The following EDAR variants were observed in gnomAD, a reference collection of about 807,000 sequenced individuals.
EDAR encodes ectodysplasin A receptor.
In EDAR, 38 loss-of-function variants were observed where a neutral mutation model predicts 51.3. The observed-to-expected ratio is 0.74, with a 90% CI of 0.57 to 0.97. The LOEUF (loss-of-function observed/expected upper bound fraction) is 0.97. Among genes scored for constraint, EDAR ranks in the 50% least tolerant of loss-of-function variants. The pLI, the probability that EDAR is intolerant of heterozygous loss-of-function variation, is 0.00. For synonymous variants in EDAR, 227 were observed against 242.1 expected, an observed-to-expected ratio of 0.94 and a Z score of 0.58; for missense variants, 528 against 595.0, an observed-to-expected ratio of 0.89 and a Z score of 1.17.
chr2:108,922,476 CCCT>C, intron 5 of EDAR, among the ~76,000 whole-genome samples: 1 of 152,352 alleles, frequency 6.6e-6, no homozygotes. Flanking sequence ...CAGCACAGAA[CCCT>C]CCTCCTGGCT....
At chr2:108,980,979 C>T (rs368626648) in intron 1 of EDAR, among the ~76,000 whole-genome samples, 3,867 of 62,084 alleles carry the variant, frequency 0.062, 96 homozygotes, top group African/African-American at 0.11. Flanking sequence ...CGGACTAGAC[C>T]GTGGGAATGA....
chr2:108,985,113 A>C (rs1340075028), intron 1 of EDAR, among the ~76,000 whole-genome samples: 1 of 151,718 alleles, frequency 6.6e-6, no homozygotes, highest in Non-Finnish European at 1.5e-5. Flanking sequence ...GGCAGAATCA[A>C]CTCTTTTTTA....
rs554926898 is a variant in EDAR at position 108,973,842 on chromosome 2, T to C, written c.-19+15118A>G. On this transcript the variant is annotated intron_variant, in intron 1 of 11. Transcript: ENST00000258443. ...AATGCCCCACAGACTTTTGGTTTTA[T>C]GTAAATAACAACATTTCTTGGGATT... Among the ~76,000 whole-genome samples, 42 of 152,328 alleles carry C rather than the reference T, an allele frequency of 2.8e-4. No homozygotes were observed. The South Asian group carries it at 8.5e-3, about 31-fold the overall frequency.
intron 1 of EDAR, among the ~76,000 whole-genome samples, chr2:108,944,465 G>A (rs933392297): frequency 6.6e-6 from 1 of 152,124 alleles, no homozygotes; most frequent in African/African-American, 2.4e-5. Context: ...CTATGGCTGC[G>A]GCAACAATGG....
intron 1 of EDAR, among the ~76,000 whole-genome samples, chr2:108,966,358 A>T (rs1305244531): frequency 6.6e-6 from 1 of 152,244 alleles, no homozygotes; most frequent in Non-Finnish European, 1.5e-5. Context: ...TGAGACTGGC[A>T]TTAAGTCCCT....
chr2:108,957,471 C>T (rs1332598346), intron 1 of EDAR, among the ~76,000 whole-genome samples: 1 of 152,284 alleles, frequency 6.6e-6, no homozygotes, highest in East Asian at 1.9e-4. Context: ...ATCAAGTGGC[C>T]CCGGGCTCAT....
rs548040744 is a variant in EDAR, at chr2:108,895,302, T to G, written c.*1605A>C. On this transcript the variant is annotated 3_prime_UTR_variant, in exon 12 of 12. Coordinates refer to ENST00000258443, the MANE Select transcript of EDAR (RefSeq NM_022336.4). Reference sequence around the variant, plus strand: ...ATTTTTTCAGTCATGCAACTTGTAATTTTTACAACCTCGCTTTATAAGTCA... The same window carrying G: ...ATTTTTTCAGTCATGCAACTTGTAAGTTTTACAACCTCGCTTTATAAGTCA... The G allele has an allele frequency of 6.5e-6, 1 of 152,718 alleles. No homozygotes were observed. The highest frequency in any genetic ancestry group is 2.1e-4 in the South Asian group (1 of 4,824). The allele number at this position is 152,718 out of a possible 1,614,324, so 9.5% of individuals were successfully genotyped here.
At chr2:108,941,304 T>C (rs1697589467) in intron 1 of EDAR, among the ~76,000 whole-genome samples, 1 of 152,234 alleles carries the variant, frequency 6.6e-6, no homozygotes, top group Non-Finnish European at 1.5e-5. Flanking sequence ...TGGGCAGTCC[T>C]GACCTTGCTT....
At chr2:108,915,167 G>A (rs960566469) in intron 5 of EDAR, among the ~76,000 whole-genome samples, 40 of 152,222 alleles carry the variant, frequency 2.6e-4, no homozygotes, top group Admixed American at 1.7e-3. Context: ...GCCTCCCAAA[G>A]TGCTGGGATT....
intron 11 of EDAR, among the ~76,000 whole-genome samples, chr2:108,899,918 G>A (rs546951967): frequency 1.6e-4 from 25 of 151,826 alleles, no homozygotes; most frequent in Non-Finnish European, 2.7e-4. Context: ...CCTGGGAGGC[G>A]GAGGTTGCAG....
chr2:108,912,884 G>A, intron 5 of EDAR, 120 bp from the exon 6 acceptor site: 1 of 787,296 alleles, frequency 1.3e-6, no homozygotes, highest in Non-Finnish European at 2.2e-6. Context: ...TGATGGCTGA[G>A]GGGAGCTAAA....
chr2:108,909,632 A>T (rs1027391644), intron 9 of EDAR, among the ~76,000 whole-genome samples: 2 of 152,202 alleles, frequency 1.3e-5, no homozygotes, highest in East Asian at 3.9e-4. Context: ...GGGTCCGAGC[A>T]CATTGCCTGG....
At chr2:108,978,079 T>C (rs1194788269) in intron 1 of EDAR, among the ~76,000 whole-genome samples, 1 of 152,096 alleles carries the variant, frequency 6.6e-6, no homozygotes, top group African/African-American at 2.4e-5. Context: ...GGCACTGACA[T>C]AGGGAAGAGC....
chr2:108,905,556 G>A (rs950336769), intron 11 of EDAR, among the ~76,000 whole-genome samples: 1 of 152,068 alleles, frequency 6.6e-6, no homozygotes, highest in African/African-American at 2.4e-5. Flanking sequence ...GGGGTAATGG[G>A]GGCATTGGTG....
chr2:108,899,352 G>C (rs1165797720), intron 11 of EDAR, among the ~76,000 whole-genome samples: 1 of 152,170 alleles, frequency 6.6e-6, no homozygotes, highest in Non-Finnish European at 1.5e-5. Flanking sequence ...CTTCAGGAAA[G>C]CATGAGAATA....
chr2:108,966,458 T>A (rs979887505), intron 1 of EDAR, among the ~76,000 whole-genome samples: 1 of 152,224 alleles, frequency 6.6e-6, no homozygotes, highest in Non-Finnish European at 1.5e-5. Context: ...GGAAGGCCTA[T>A]GCCTCATCTC....
At chr2:108,958,493 G>A (rs775463745) in intron 1 of EDAR, among the ~76,000 whole-genome samples, 3 of 152,054 alleles carry the variant, frequency 2.0e-5, no homozygotes, top group African/African-American at 4.8e-5. Context: ...ACAAGGGTGC[G>A]TTTGTTCAGG....
At chr2:108,897,254 A>G (rs1429110179) in intron 11 of EDAR, 25 bp from the exon 12 acceptor site, 2 of 1,597,580 alleles carry the variant, frequency 1.3e-6, no homozygotes, top group African/African-American at 2.7e-5. Flanking sequence ...GGCCACAGTT[A>G]GATGTTGCAA....
At chr2:108,946,414 G>A (rs778468101) in intron 1 of EDAR, among the ~76,000 whole-genome samples, 10 of 152,184 alleles carry the variant, frequency 6.6e-5, no homozygotes, top group Non-Finnish European at 1.2e-4. Flanking sequence ...ACAACCCCTT[G>A]GGGACTGGTG....
Sources: gnomAD v4.1 joint callset for allele counts (sites outside exome capture counted in the v4.1 genomes callset) on GRCh38, gnomAD v4.1.1 for gene constraint, MANE v1.5 for transcripts, NCBI Gene and HGNC (gene_info 2026-07-23, HGNC 2026-07-21) for gene names.